ABLIM1: variants seen among roughly 807,000 people sequenced by gnomAD.
ABLIM1 encodes actin binding LIM protein 1, also known as actin-binding LIM protein 1.
Under a neutral mutation model 107.0 loss-of-function variants are expected in ABLIM1, and 40 were observed. The ratio of observed to expected loss-of-function variants is 0.37; its 90% CI spans 0.29 to 0.49. The LOEUF (loss-of-function observed/expected upper bound fraction) is 0.49, where lower values mean the gene tolerates loss of function less well. ABLIM1 is among the 20% of genes least tolerant of loss of function. ABLIM1 has a pLI of 0.97. For missense variants in ABLIM1, 857 were observed against 1,008.5 expected, an observed-to-expected ratio of 0.85 and a Z score of 2.04; for synonymous variants, 357 against 357.3, an observed-to-expected ratio of 1.00 and a Z score of 0.01.
chr10:114,697,309 C>A (rs1014626676), intron 1 of ABLIM1, among the ~76,000 whole-genome samples: 4 of 152,238 alleles, frequency 2.6e-5, no homozygotes, highest in Non-Finnish European at 2.9e-5. Flanking sequence ...GAGACACAAC[C>A]AGTTACTCAA....
chr10:114,470,239 A>G (rs185051229), intron 10 of ABLIM1, among the ~76,000 whole-genome samples: 1 of 152,248 alleles, frequency 6.6e-6, no homozygotes, highest in Non-Finnish European at 1.5e-5. Context: ...CCTGGCCAAC[A>G]TGGAGAAACC....
chr10:114,531,320 T>G (rs568208251), intron 6 of ABLIM1, among the ~76,000 whole-genome samples: 1 of 152,338 alleles, frequency 6.6e-6, no homozygotes, highest in East Asian at 1.9e-4. Flanking sequence ...TCTTACTATC[T>G]GTTTGAAGCC....
intron 2 of ABLIM1, among the ~76,000 whole-genome samples, chr10:114,587,790 C>T (rs1056313249): frequency 6.6e-6 from 1 of 152,060 alleles, no homozygotes; most frequent in East Asian, 1.9e-4. Flanking sequence ...ATCTTGTTTC[C>T]TGCTTGGCAA....
At chr10:114,744,717 A>T (rs1171583561) in intron 1 of ABLIM1, among the ~76,000 whole-genome samples, 1 of 152,158 alleles carries the variant, frequency 6.6e-6, no homozygotes, top group Non-Finnish European at 1.5e-5. Context: ...ATCATATTGG[A>T]TGGGAGCAGG....
chr10:114,753,858 G>GT (rs1252964082), intron 1 of ABLIM1, among the ~76,000 whole-genome samples: 4 of 151,996 alleles, frequency 2.6e-5, no homozygotes, highest in Non-Finnish European at 5.9e-5. Flanking sequence ...TGTTTGTTTT[G>GT]TTTTTTGAGA....
intron 1 of ABLIM1, among the ~76,000 whole-genome samples, chr10:114,669,186 C>T (rs1442814570): frequency 6.6e-6 from 1 of 152,162 alleles, no homozygotes; most frequent in Admixed American, 6.5e-5. Flanking sequence ...ACTAAATGAT[C>T]TAACTCAGCA....
chr10:114,514,403 T>A (rs2062467368), intron 6 of ABLIM1, among the ~76,000 whole-genome samples: 1 of 152,188 alleles, frequency 6.6e-6, no homozygotes, highest in African/African-American at 2.4e-5. Context: ...AGACAGGGTC[T>A]CACTATGTTG....
At chr10:114,563,761 A>C (rs1176451036) in intron 4 of ABLIM1, among the ~76,000 whole-genome samples, 1 of 148,266 alleles carries the variant, frequency 6.7e-6, no homozygotes, top group Non-Finnish European at 1.5e-5. Context: ...TGGGAGAATC[A>C]CTTGAACCTG....
intron 6 of ABLIM1, among the ~76,000 whole-genome samples, chr10:114,542,545 A>G (rs1322299450): frequency 6.6e-6 from 1 of 151,030 alleles, no homozygotes; most frequent in East Asian, 1.9e-4. Context: ...GAGGAGGGAG[A>G]AGGGAGGAGG....
At chr10:114,596,360 A>T (rs143959638) in intron 2 of ABLIM1, among the ~76,000 whole-genome samples, 6 of 152,314 alleles carry the variant, frequency 3.9e-5, no homozygotes, top group African/African-American at 1.4e-4. Flanking sequence ...TGTCTCTATT[A>T]TTAGCACTTA....
chr10:114,708,819 C>A (rs2081480779), intron 1 of ABLIM1, among the ~76,000 whole-genome samples: 1 of 152,104 alleles, frequency 6.6e-6, no homozygotes, highest in African/African-American at 2.4e-5. Context: ...TGTTCAGGGA[C>A]CACCTTCAAA....
the ABLIM1 span, among the ~76,000 whole-genome samples, chr10:114,800,139 T>C: frequency 1.3e-5 from 2 of 152,202 alleles, no homozygotes; most frequent in Non-Finnish European, 1.5e-5. Flanking sequence ...AAATGGCTTC[T>C]AGTTTCACTC....
intron 1 of ABLIM1, among the ~76,000 whole-genome samples, chr10:114,634,129 C>CTTTTTTTT (rs745875295): frequency 0.057 from 3,875 of 68,246 alleles, 802 homozygotes; most frequent in African/African-American, 0.066. Flanking sequence ...CTCAATTTTT[C>CTTTTTTTT]TTTTTTTTTT....
In ABLIM1 at chr10:114,682,427, T is replaced by C. The variant is rs1277069018; in HGVS notation, c.64+1863A>G. 2.6e-5 allele frequency among the ~76,000 whole-genome samples: 4 copies of C among 152,278 alleles called. No homozygotes were observed. The East Asian group carries it at 7.7e-4, about 29-fold the overall frequency. Reference sequence around the variant, plus strand: ...GGAACCAGCTACTGAGAATAATAAATAAAATGTAAGCAGGGTCAGACTTAT... The same window carrying C: ...GGAACCAGCTACTGAGAATAATAAACAAAATGTAAGCAGGGTCAGACTTAT... On this transcript the variant is annotated intron_variant, in intron 1 of 23. Coordinates refer to the ABLIM1 transcript ENST00000369256.
At chr10:114,529,019 T>A (rs1458622532) in intron 6 of ABLIM1, among the ~76,000 whole-genome samples, 2 of 151,956 alleles carry the variant, frequency 1.3e-5, no homozygotes, top group African/African-American at 4.8e-5. Flanking sequence ...AGTGAAGGTG[T>A]CCCCCTTTAC....
rs556253773 is a variant in ABLIM1 at position 114,705,526 on chromosome 10, C to T, written c.-213+62535G>A. On this transcript the variant is annotated intron_variant, in intron 1 of 15. Transcript: ENST00000651092. ...CACAGTTTGCAGAGGCTTGACATAA[C>T]GAGTAAGGATGAAGGAAACGGGAAA... Among the ~76,000 whole-genome samples the T allele has an allele frequency of 2.8e-4, 43 of 152,096 alleles. 1 individual carries two copies. The South Asian group carries it at 7.1e-3, about 25-fold the overall frequency.
At chr10:114,694,499 G>A (rs1591837129) in intron 1 of ABLIM1, among the ~76,000 whole-genome samples, 2 of 152,130 alleles carry the variant, frequency 1.3e-5, no homozygotes, top group East Asian at 1.9e-4. Context: ...TCTTAAAATA[G>A]TCCTGGTTTA....
intron 8 of ABLIM1, among the ~76,000 whole-genome samples, chr10:114,474,158 G>T (rs1264460009): frequency 6.6e-6 from 1 of 152,140 alleles, no homozygotes. Context: ...GCATGGGGAG[G>T]CCTTTCTCTG....
intron 13 of ABLIM1, among the ~76,000 whole-genome samples, chr10:114,452,374 C>T (rs1446476074): frequency 2.6e-5 from 4 of 151,972 alleles, no homozygotes; most frequent in Non-Finnish European, 4.4e-5. Context: ...TCCCCAGAAC[C>T]GTGGGCACTG....
Sources: gnomAD v4.1 joint callset for allele counts (sites outside exome capture counted in the v4.1 genomes callset) on GRCh38, gnomAD v4.1.1 for gene constraint, MANE v1.5 for transcripts, NCBI Gene and HGNC (gene_info 2026-07-23, HGNC 2026-07-21) for gene names.